The following AXIN2 variants were observed in gnomAD, a reference collection of about 807,000 sequenced individuals.
AXIN2 encodes axin-2.
A neutral mutation model predicts 74.7 loss-of-function variants in AXIN2; 21 were observed. The observed-to-expected ratio is 0.28, with a 90% confidence interval of 0.20 to 0.40. The LOEUF is 0.40. Among genes scored for constraint, AXIN2 ranks in the 10% least tolerant of loss-of-function variants. The pLI, the probability that AXIN2 is intolerant of heterozygous loss-of-function variation, is 1.00. For missense variants in AXIN2, 1,144 were observed against 1,111.1 expected (o/e 1.03, Z -0.42); for synonymous variants, 532 against 454.9 (o/e 1.17, Z -2.16).
At chr17:65,538,471 A>G in intron 4 of AXIN2, 128 bp from the exon 5 acceptor site, 1 of 1,288,738 alleles carries the variant, frequency 7.8e-7, no homozygotes, top group Non-Finnish European at 1.1e-6. Flanking sequence ...GTGGATGGCA[A>G]GGCGGCCTGG....
rs1248367368 is a variant in AXIN2, at chr17:65,537,317, C to T, written c.1712+7G>A. 1.2e-6 allele frequency: 2 copies of T among 1,613,966 alleles called. No individual in the cohort carries two copies. The highest frequency in any genetic ancestry group is 1.7e-5 in the Admixed American group (1 of 60,028). The stretch of plus-strand genomic sequence containing the variant: ...ACACGGGACACTGCGGTCCGCCCGG[C>T]ACTTACCCAAACTGCTCGCTGGGCA... On this transcript the variant is annotated splice_region_variant and intron_variant, in intron 6 of 10. Transcript: ENST00000307078.
chr17:65,551,001 C>T (rs1312798528), intron 2 of AXIN2, among the ~76,000 whole-genome samples: 1 of 152,228 alleles, frequency 6.6e-6, no homozygotes, highest in African/African-American at 2.4e-5. Flanking sequence ...CCAGATCACA[C>T]AGCTGGAACT....
At position 65,537,636 on chromosome 17, in the gene AXIN2, G is replaced by C; in HGVS notation, c.1400C>G (p.Pro467Arg). Residue 467 changes from proline (P) to arginine (R), a missense_variant, in exon 6 of 11, where the codon CCG becomes CGG. Transcript: ENST00000307078. ...CGAATGGTGGTGGTGGTGGTGGTCC[G>C]GGGAGCGGGAGCGGGGGCTATAGCG... The part of the protein sequence containing the change: ...VGRYSPRSRS[P>R]DHHHHHHSQY... 1 of 1,585,356 alleles carries C rather than the reference G, an allele frequency of 6.3e-7. No individual in the cohort carries two copies.
In AXIN2 at chr17:65,537,370, T is replaced by G; in HGVS notation, c.1666A>C (p.Lys556Gln). The G allele has an allele frequency of 6.2e-7, 1 of 1,614,112 alleles. No individual in the cohort carries two copies. Among genetic ancestry groups the G allele is most frequent in the Non-Finnish European group, 8.5e-7 (1 of 1,180,038 alleles). ...GTTTCCGGAGCCTTGGAGTGGCTTT[T>G]GCATTTCGAGTAGCAGTAATACTCG... ...GSEYYCYSKC[K>Q]SHSKAPETMP... The change falls in exon 6 of 11, where the codon AAA (lysine) becomes CAA (glutamine). Residue 556 changes from lysine (K) to glutamine (Q), a missense_variant. This residue lies in a region of AXIN2 where 1,053 missense variants were observed against 973.5 expected (regional missense o/e 1.08). Transcript: ENST00000307078.
rs1369622684 is a variant in AXIN2 at position 65,537,390 on chromosome 17, T to C, written c.1646A>G (p.Tyr549Cys). 1.9e-6 allele frequency: 3 copies of C among 1,613,860 alleles called. No individual in the cohort carries two copies. Among genetic ancestry groups the C allele is most frequent in the Non-Finnish European group, 2.5e-6 (3 of 1,179,998 alleles). ...GCTTTTGCATTTCGAGTAGCAGTAA[T>C]ACTCGCTGCCCCCAGGGCAGAAGCA... is the stretch of plus-strand genomic sequence containing the variant. The part of the protein sequence containing the change: ...VHCFCPGGSE[Y>C]YCYSKCKSHS... The change falls in exon 6 of 11, where the codon TAT becomes TGT. Residue 549 changes from tyrosine to cysteine, a missense_variant. This residue lies in a region of AXIN2 where 1,053 missense variants were observed against 973.5 expected (regional missense o/e 1.08). Coordinates refer to ENST00000307078, the MANE Select transcript of AXIN2 (RefSeq NM_004655.4).
At chr17:65,532,498 A>C (rs1213617711) in intron 10 of AXIN2, among the ~76,000 whole-genome samples, 1 of 152,190 alleles carries the variant, frequency 6.6e-6, no homozygotes, top group Non-Finnish European at 1.5e-5. Context: ...CCAGGTATAA[A>C]AGGGACTATC....
At chr17:65,550,223 GA>G (rs2044171661) in intron 2 of AXIN2, among the ~76,000 whole-genome samples, 1 of 152,164 alleles carries the variant, frequency 6.6e-6, no homozygotes. Flanking sequence ...AGACGGGACA[GA>G]AAAGTTCAAG....
intron 5 of AXIN2, 29 bp from the exon 6 acceptor site, chr17:65,537,864 T>C (rs1028852098): frequency 6.6e-7 from 1 of 1,519,600 alleles, no homozygotes; most frequent in South Asian, 1.3e-5. Flanking sequence ...GAAGGAGAAG[T>C]GACCCAGGAA....
intron 10 of AXIN2, among the ~76,000 whole-genome samples, chr17:65,532,782 G>C (rs566261508): frequency 6.6e-6 from 1 of 152,368 alleles, no homozygotes; most frequent in East Asian, 1.9e-4. Context: ...CCTGGTGGCG[G>C]CAACGGGTTC....
intron 4 of AXIN2, among the ~76,000 whole-genome samples, chr17:65,538,728 G>C (rs2043991742): frequency 6.9e-6 from 1 of 145,534 alleles, no homozygotes; most frequent in African/African-American, 2.5e-5. Flanking sequence ...AGGTGGGGAG[G>C]GGAGAGACCA....
intron 4 of AXIN2, among the ~76,000 whole-genome samples, chr17:65,540,928 C>T (rs1227194336): frequency 6.6e-6 from 1 of 152,194 alleles, no homozygotes; most frequent in Non-Finnish European, 1.5e-5. Context: ...GTCGCCCAGG[C>T]TGGAGTGCAC....
intron 3 of AXIN2, among the ~76,000 whole-genome samples, chr17:65,542,297 ATCT>A (rs2044055605): frequency 1.3e-5 from 2 of 152,234 alleles, no homozygotes; most frequent in Admixed American, 6.5e-5. Flanking sequence ...TATGTGCCAG[ATCT>A]TCTCCTAGGC....
rs1060502150 is a variant in AXIN2, at chr17:65,537,648, C to G, written c.1388G>C (p.Arg463Pro). Residue 463 changes from arginine (R) to proline (P), a missense_variant, in exon 6 of 11, where the codon CGC becomes CCC. Transcript: ENST00000307078. Reference protein sequence around the residue: ...QSPGVGRYSPRSRSPDHHHHH... With the variant: ...QSPGVGRYSPPSRSPDHHHHH... Reference sequence around the variant, plus strand: ...GTGGTGGTGGTCCGGGGAGCGGGAGCGGGGGCTATAGCGGCCTACGCCTGG... The same window carrying G: ...GTGGTGGTGGTCCGGGGAGCGGGAGGGGGGGCTATAGCGGCCTACGCCTGG... 1 of 1,575,606 alleles carries G rather than the reference C, an allele frequency of 6.3e-7. No homozygotes were observed. Among genetic ancestry groups the G allele is most frequent in the Non-Finnish European group, 8.6e-7 (1 of 1,163,000 alleles).
chr17:65,535,530 C>T (rs1175584948), intron 9 of AXIN2, 96 bp downstream of exon 9: 2 of 1,277,606 alleles, frequency 1.6e-6, no homozygotes. Flanking sequence ...TTTTAAAAAC[C>T]AAAAAAAGTT....
At chr17:65,560,259 G>C (rs1203682220) in intron 1 of AXIN2, 1 of 152,356 alleles carries the variant, frequency 6.6e-6, no homozygotes, top group East Asian at 1.9e-4. Flanking sequence ...GCCCGGGCCG[G>C]GAGGAGGGAC....
chr17:65,541,211 C>T (rs1472313923), intron 4 of AXIN2, among the ~76,000 whole-genome samples: 4 of 152,152 alleles, frequency 2.6e-5, no homozygotes, highest in Non-Finnish European at 5.9e-5. Flanking sequence ...TACTCAACCT[C>T]AGGTATTCCT....
chr17:65,548,071 G>A (rs76896323), intron 3 of AXIN2, among the ~76,000 whole-genome samples: 3,120 of 152,264 alleles, frequency 0.02, 99 homozygotes, highest in African/African-American at 0.07. Flanking sequence ...TATGGATACC[G>A]AAATTTCAGT....
In AXIN2 at chr17:65,538,283, G is replaced by A. The variant is rs1567757455; in HGVS notation, c.1120C>T (p.Leu374=). 1 of 1,614,222 alleles carries A rather than the reference G, an allele frequency of 6.2e-7. No homozygotes were observed. The highest frequency in any genetic ancestry group is 2.2e-5 in the East Asian group (1 of 44,860). ...TTCAGCTTTTCCAGCCTCGAGATCA[G>A]CTCAGCTGCAAAGGTGGCGGGTTCC... ...PVEPATFAAE[L]ISRLEKLKLE... is the part of the protein sequence containing the mutation. The change falls in exon 5 of 11, where the codon CTG becomes TTG. Residue 374 remains leucine, a synonymous_variant. Transcript: ENST00000307078.
At chr17:65,536,629 A>G in intron 7 of AXIN2, 76 bp from the exon 8 acceptor site, 4 of 1,537,930 alleles carry the variant, frequency 2.6e-6, no homozygotes, top group East Asian at 4.5e-5. Flanking sequence ...TGACTTCAAT[A>G]GAAACTTGTC....
Sources: allele counts gnomAD v4.1 joint callset (sites outside exome capture counted in the v4.1 genomes callset), GRCh38; gene constraint gnomAD v4.1.1; regional missense constraint gnomAD v4.1.1; transcripts MANE v1.5; gene names NCBI Gene and HGNC (gene_info 2026-07-23, HGNC 2026-07-21).